Variants in CRISP2 observed in about 807,000 individuals in gnomAD.
CRISP2 encodes cysteine rich secretory protein 2, also known as cysteine-rich secretory protein 2.
In CRISP2, 29 loss-of-function variants were observed where a neutral mutation model predicts 31.7. The observed-to-expected ratio is 0.92, with a 90% confidence interval of 0.68 to 1.25. The LOEUF (loss-of-function observed/expected upper bound fraction) is 1.25, where lower values mean the gene tolerates loss of function less well. Ranked by LOEUF, CRISP2 falls within the 50% of genes most tolerant of loss-of-function variation. CRISP2 has a pLI of 0.00. For missense variants in CRISP2, 318 were observed against 286.5 expected, an observed-to-expected ratio of 1.11 and a Z score of -0.79; for synonymous variants, 111 against 101.4, an observed-to-expected ratio of 1.09 and a Z score of -0.57.
chr6:49,682,585 CTTT>C, the CRISP2 span, among the ~76,000 whole-genome samples: 1 of 67,334 alleles, frequency 1.5e-5, no homozygotes, highest in Non-Finnish European at 2.8e-5. Flanking sequence ...TTCTTTCTTT[CTTT>C]TTCTTTCTTT....
At chr6:49,684,627 TACTTA>T in the CRISP2 span, among the ~76,000 whole-genome samples, 7 of 152,184 alleles carry the variant, frequency 4.6e-5, no homozygotes, top group African/African-American at 7.2e-5. Flanking sequence ...ATATCTTACA[TACTTA>T]ACTTAAAAAA....
At chr6:49,711,924 A>G (rs1318868459) in intron 2 of CRISP2, among the ~76,000 whole-genome samples, 2 of 152,198 alleles carry the variant, frequency 1.3e-5, no homozygotes, top group Non-Finnish European at 2.9e-5. Flanking sequence ...AAATAAACGG[A>G]AATTATTCAT....
At chr6:49,703,419 A>G (rs73437876) in intron 4 of CRISP2, among the ~76,000 whole-genome samples, 5,062 of 152,178 alleles carry the variant, frequency 0.033, 298 homozygotes, top group African/African-American at 0.12. Context: ...CAGTATGGTC[A>G]TTCTTACAAT....
intron 4 of CRISP2, among the ~76,000 whole-genome samples, chr6:49,708,594 C>T (rs548468048): frequency 9.6e-4 from 146 of 152,222 alleles, no homozygotes; most frequent in Non-Finnish European, 1.7e-3. Context: ...TGGGGAAAGG[C>T]ATGGAACAGG....
At chr6:49,699,494 G>A (rs1318800196) in intron 6 of CRISP2, among the ~76,000 whole-genome samples, 1 of 151,898 alleles carries the variant, frequency 6.6e-6, no homozygotes, top group Non-Finnish European at 1.5e-5. Context: ...TTATGTTCTT[G>A]GGTAAGTCAC....
chr6:49,687,633 G>T (rs1047044627), downstream of CRISP2, among the ~76,000 whole-genome samples: 3 of 152,196 alleles, frequency 2.0e-5, no homozygotes, highest in Non-Finnish European at 2.9e-5. Flanking sequence ...AATTCATAGA[G>T]GAGGGGTCAG....
chr6:49,713,213 C>T (rs148956377), intron 1 of CRISP2, among the ~76,000 whole-genome samples: 1 of 152,212 alleles, frequency 6.6e-6, no homozygotes, highest in African/African-American at 2.4e-5. Context: ...GTCTTATGTA[C>T]TTAGAATGAT....
chr6:49,713,934 GC>G (rs1231019442), upstream of CRISP2, among the ~76,000 whole-genome samples: 1 of 152,140 alleles, frequency 6.6e-6, no homozygotes, highest in Admixed American at 6.5e-5. Flanking sequence ...AGTTTGCAGT[GC>G]GCTGCCAGTG....
chr6:49,698,495 C>A lies in CRISP2; in HGVS notation c.284G>T (p.Gly95Val). 1.2e-6 allele frequency: 2 copies of A among 1,609,106 alleles called. No individual in the cohort carries two copies. The highest frequency in any genetic ancestry group is 1.7e-6 in the Non-Finnish European group (2 of 1,178,452). Reference protein sequence around the residue: ...PEDRKTSTRCGENLYMSSDPT... With the variant: ...PEDRKTSTRCVENLYMSSDPT... The stretch of plus-strand genomic sequence containing the variant: ...GTCACTTGACATATAGAGATTCTCA[C>A]CACATCTTGTACCTAAGGGGCAGAT... The change falls in exon 7 of 10, where the codon GGT becomes GTT. Residue 95 changes from glycine (G) to valine (V), a missense_variant. By Grantham distance (109) the Gly-to-Val change is moderately radical (BLOSUM62 -3). Transcript: ENST00000339139.
chr6:49,694,662 T>A (rs886726063), intron 9 of CRISP2, among the ~76,000 whole-genome samples: 3 of 152,156 alleles, frequency 2.0e-5, no homozygotes, highest in African/African-American at 7.2e-5. Flanking sequence ...TGATACCAGC[T>A]GATACCATGA....
intron 8 of CRISP2, chr6:49,697,648 T>C: frequency 7.5e-7 from 1 of 1,332,668 alleles, no homozygotes; most frequent in South Asian, 1.3e-5. Context: ...ATTCTGTTAA[T>C]GAGGAATGAG....
Position 49,698,415 on chromosome 6 carries a change from CA to C in CRISP2, c.363del (p.Phe121LeufsTer5), listed in dbSNP as rs759921614. On this transcript the variant is annotated frameshift_variant, in exon 7 of 10. Coordinates refer to ENST00000339139, the MANE Select transcript of CRISP2 (RefSeq NM_003296.4). LOFTEE classifies it high-confidence loss of function. ...IQSWYDEILD[F>X]VYGVGPKSPN... Reference sequence around the variant, plus strand: ...GGACTCTTTGGTCCTACACCATAGACAAAATCTAGGATCTCGTCATACCAGC... The same window carrying C: ...GGACTCTTTGGTCCTACACCATAGACAAATCTAGGATCTCGTCATACCAGC... The C allele has an allele frequency of 1.2e-6, 2 of 1,613,468 alleles. No individual in the cohort carries two copies. The highest frequency in any genetic ancestry group is 2.2e-5 in the South Asian group (2 of 91,012).
rs1764689352 is a variant in CRISP2, at chr6:49,696,071, C to T, written c.516-147G>A. The stretch of plus-strand genomic sequence containing the variant: ...AAATTACAATTCCCAATGTGTATTT[C>T]AGATAACAATCCAAATTAAGAAAAT... On this transcript the variant is annotated intron_variant, in intron 8 of 9. Coordinates refer to ENST00000339139, the MANE Select transcript of CRISP2 (RefSeq NM_003296.4). 5.6e-6 allele frequency: 3 copies of T among 533,148 alleles called. No homozygotes were observed. In the African/African-American group the frequency reaches 5.8e-5, roughly 10 times the overall value. 33.0% of individuals were successfully genotyped at this position (533,148 alleles called of 1,614,324 possible).
chr6:49,685,760 C>T, the CRISP2 span, among the ~76,000 whole-genome samples: 2 of 152,066 alleles, frequency 1.3e-5, no homozygotes, highest in South Asian at 4.1e-4. Context: ...GTTTTTTCCC[C>T]CACTTTTTAT....
At chr6:49,697,752 C>T (rs1256468366) in intron 8 of CRISP2, 108 bp downstream of exon 8, 1 of 1,585,570 alleles carries the variant, frequency 6.3e-7, no homozygotes, top group Non-Finnish European at 8.6e-7. Context: ...ACGTTTATCC[C>T]CTCCCTTTTA....
Position 49,697,589 on chromosome 6 carries a change from C to T in CRISP2, c.515+271G>A, listed in dbSNP as rs1456010317. 8 of 660,666 alleles carry T rather than the reference C, an allele frequency of 1.2e-5. No individual in the cohort carries two copies. In the Admixed American group the frequency reaches 1.5e-4, roughly 13 times the overall value. 40.9% of individuals were successfully genotyped at this position (660,666 alleles called of 1,614,324 possible). A position where few individuals can be genotyped will look rare whatever the true frequency, so the allele number is the denominator to read the frequency against. On this transcript the variant is annotated intron_variant, in intron 8 of 9. Transcript: ENST00000339139. ...TAGAGAAATACATATTACACATGCT[C>T]ACAGAGTAACCCTAAGCTGAGGGAA...
intron 4 of CRISP2, among the ~76,000 whole-genome samples, chr6:49,707,938 T>C (rs1767350918): frequency 6.6e-6 from 1 of 152,180 alleles, no homozygotes; most frequent in Non-Finnish European, 1.5e-5. Context: ...CAAAATCCTC[T>C]TGGCCCTTCA....
chr6:49,711,897 C>T (rs1424868840), intron 2 of CRISP2, among the ~76,000 whole-genome samples: 1 of 152,168 alleles, frequency 6.6e-6, no homozygotes, highest in African/African-American at 2.4e-5. Flanking sequence ...ACAATAAACA[C>T]ATTATGCACA....
chr6:49,713,183 C>T (rs1768341832), intron 1 of CRISP2, among the ~76,000 whole-genome samples: 1 of 152,112 alleles, frequency 6.6e-6, no homozygotes, highest in Non-Finnish European at 1.5e-5. Context: ...TGACTTCAGG[C>T]TTCTACTATG....
Sources: gnomAD v4.1 joint callset for allele counts (sites outside exome capture counted in the v4.1 genomes callset) on GRCh38, gnomAD v4.1.1 for gene constraint, MANE v1.5 for transcripts, NCBI Gene and HGNC (gene_info 2026-07-23, HGNC 2026-07-21) for gene names.